COL12A1: variants seen among roughly 807,000 people sequenced by gnomAD.
COL12A1 encodes the protein collagen alpha-1(XII) chain.
Under a neutral mutation model 349.7 loss-of-function variants are expected in COL12A1, and 114 were observed. The observed-to-expected ratio is 0.33, with a 90% confidence interval of 0.28 to 0.38. The LOEUF (loss-of-function observed/expected upper bound fraction) is 0.38. Ranked by LOEUF, COL12A1 falls within the 10% of genes least tolerant of loss-of-function variation. The pLI, the probability that COL12A1 is intolerant of heterozygous loss-of-function variation, is 1.00. For missense variants in COL12A1, 3,284 were observed against 3,756.9 expected, an observed-to-expected ratio of 0.87 and a Z score of 3.29; for synonymous variants, 1,369 against 1,329.0, an observed-to-expected ratio of 1.03 and a Z score of -0.66.
chr6:75,188,459 G>A lies in COL12A1; in HGVS notation c.900C>T (p.Ala300=), dbSNP rs200357517. 1 of 1,613,522 alleles carries A rather than the reference G, an allele frequency of 6.2e-7. No homozygotes were observed. ...TPSLNHVFNV[A]NFDAIVDIQN... is the part of the protein sequence containing the mutation. ...GAATATCCACAATTGCATCAAAGTT[G>A]GCCACATTGAAAACATGGTTCAGTG... Residue 300 remains alanine (A), a synonymous_variant, in exon 8 of 66, where the codon GCC becomes GCT. Transcript: ENST00000322507.
Position 75,125,228 on chromosome 6 carries a change from T to C in COL12A1, c.6506A>G (p.Tyr2169Cys). 1.2e-6 allele frequency: 2 copies of C among 1,610,692 alleles called. No individual in the cohort carries two copies. Among genetic ancestry groups the C allele is most frequent in the East Asian group, 2.2e-5 (1 of 44,702 alleles). The change falls in exon 40 of 66, where the codon TAT (tyrosine) becomes TGT (cysteine). Residue 2169 changes from tyrosine to cysteine, a missense_variant. Tyr to Cys is a radical substitution (Grantham distance 194). Transcript: ENST00000322507. ...GCTGGGATTGAGATTGTGTAAGGTATATGATGTCATTTCTCCAACAAAGGC... is the reference window on the plus strand; with the variant it reads ...GCTGGGATTGAGATTGTGTAAGGTACATGATGTCATTTCTCCAACAAAGGC... Reference protein sequence around the residue: ...MEAFVGEMTSYTLHNLNPSTT... With the variant: ...MEAFVGEMTSCTLHNLNPSTT...
At chr6:75,200,030 C>A (rs778055687) in intron 2 of COL12A1, among the ~76,000 whole-genome samples, 3 of 152,000 alleles carry the variant, frequency 2.0e-5, no homozygotes, top group Non-Finnish European at 2.9e-5. Context: ...GGAAAAGAAA[C>A]GTAACTGTGG....
intron 44 of COL12A1, among the ~76,000 whole-genome samples, chr6:75,120,515 G>T (rs1297351977): frequency 6.6e-6 from 1 of 152,132 alleles, no homozygotes; most frequent in Admixed American, 6.5e-5. Context: ...AGGAGTCAAT[G>T]ATTTAGATAG....
In COL12A1 at chr6:75,119,068, C is replaced by T. The variant is rs1458735864; in HGVS notation, c.7329G>A (p.Lys2443=). 1.2e-6 allele frequency: 2 copies of T among 1,613,960 alleles called. No individual in the cohort carries two copies. Among genetic ancestry groups the T allele is most frequent in the South Asian group, 1.1e-5 (1 of 91,076 alleles). The change falls in exon 46 of 66, where the codon AAG becomes AAA. Residue 2443 remains lysine (K), a synonymous_variant. Transcript: ENST00000322507. ...CTGACTGCTGGATGACCAAAGCCGC[C>T]TTCTTGACCTCATCCTGGGACCGAC... ...TDGRSQDEVK[K]AALVIQQSGF...
At chr6:75,173,469 C>T (rs555005563) in intron 13 of COL12A1, among the ~76,000 whole-genome samples, 4 of 151,976 alleles carry the variant, frequency 2.6e-5, no homozygotes, top group Admixed American at 6.6e-5. Context: ...CTCCGCCTCT[C>T]GAGTTCAAGT....
intron 55 of COL12A1, 131 bp from the exon 56 acceptor site, chr6:75,102,823 C>A (rs556260300): frequency 1.1e-4 from 53 of 461,194 alleles, no homozygotes; most frequent in Middle Eastern, 9.1e-4. Flanking sequence ...TAAGAATCTA[C>A]ATCTATGAAT....
At chr6:75,180,834 A>T (rs1162212410) in intron 11 of COL12A1, 105 bp downstream of exon 11, 2 of 1,321,130 alleles carry the variant, frequency 1.5e-6, no homozygotes. Context: ...TTACAAAGGC[A>T]TTGGCAATTC....
At chr6:75,133,170 A>AT (rs1766395806) in intron 34 of COL12A1, 123 bp downstream of exon 34, 1 of 913,240 alleles carries the variant, frequency 1.1e-6, no homozygotes, top group Non-Finnish European at 1.5e-6. Context: ...ACTATGGCTA[A>AT]TTTTTATGTT....
chr6:75,174,855 G>A (rs1323902089), intron 13 of COL12A1, among the ~76,000 whole-genome samples, 183 bp downstream of exon 13: 1 of 152,070 alleles, frequency 6.6e-6, no homozygotes, highest in Non-Finnish European at 1.5e-5. Context: ...AATTTTTTCA[G>A]TTGCTTACAT....
At chr6:75,102,762 C>A in intron 55 of COL12A1, 70 bp from the exon 56 acceptor site, 3 of 880,452 alleles carry the variant, frequency 3.4e-6, no homozygotes, top group Non-Finnish European at 4.9e-6. Flanking sequence ...TTTAGTCAGA[C>A]ACTTGTCATC....
intron 13 of COL12A1, among the ~76,000 whole-genome samples, chr6:75,171,725 C>T (rs1286117763): frequency 5.9e-5 from 9 of 152,190 alleles, no homozygotes; most frequent in Non-Finnish European, 1.3e-4. Context: ...CCTGCATTTA[C>T]CATCATATCC....
intron 40 of COL12A1, 106 bp from the exon 41 acceptor site, chr6:75,124,477 CA>C (rs1475346088): frequency 2.2e-5 from 17 of 772,504 alleles, no homozygotes; most frequent in Non-Finnish European, 3.2e-5. Flanking sequence ...AAAAAAAGTT[CA>C]AAATTGTATT....
chr6:75,121,147 C>T (rs988010286), intron 44 of COL12A1, among the ~76,000 whole-genome samples, 155 bp downstream of exon 44: 4 of 151,986 alleles, frequency 2.6e-5, no homozygotes, highest in African/African-American at 9.7e-5. Context: ...TCATTTATAC[C>T]CAATTCCCTC....
In COL12A1 at chr6:75,175,140, G is replaced by A. The variant is rs760656243; in HGVS notation, c.2608C>T (p.Leu870=). The A allele has an allele frequency of 1.2e-6, 2 of 1,614,094 alleles. No individual in the cohort carries two copies. Among genetic ancestry groups the A allele is most frequent in the South Asian group, 2.2e-5 (2 of 91,078 alleles). ...TVRGDTTNTV[L]QGLKEGTQYA... is the part of the protein sequence containing the mutation. Reference sequence around the variant, plus strand: ...TGTGTCCCTTCCTTCAATCCCTGCAGCACCGTATTGGTTGTATCTCCCCTC... The same window carrying A: ...TGTGTCCCTTCCTTCAATCCCTGCAACACCGTATTGGTTGTATCTCCCCTC... The change falls in exon 13 of 66, where the codon CTG becomes TTG. Residue 870 remains leucine (L), a synonymous_variant. Coordinates refer to ENST00000322507, the MANE Select transcript of COL12A1 (RefSeq NM_004370.6).
chr6:75,118,319 T>C (rs992200868), intron 46 of COL12A1, among the ~76,000 whole-genome samples: 1 of 152,162 alleles, frequency 6.6e-6, no homozygotes, highest in Non-Finnish European at 1.5e-5. Flanking sequence ...GCACTAATCA[T>C]AACTCATAAA....
chr6:75,184,695 A>G (rs1769516727), intron 8 of COL12A1, among the ~76,000 whole-genome samples: 1 of 152,214 alleles, frequency 6.6e-6, no homozygotes, highest in South Asian at 2.1e-4. Context: ...AAAAAGTTCA[A>G]CTATGTTCAC....
At chr6:75,199,509 C>T (rs1770414112) in intron 2 of COL12A1, among the ~76,000 whole-genome samples, 1 of 152,184 alleles carries the variant, frequency 6.6e-6, no homozygotes, top group African/African-American at 2.4e-5. Flanking sequence ...AAAATTAACA[C>T]TCTGTTTTTC....
chr6:75,183,803 T>G (rs1484257997), intron 9 of COL12A1, 51 bp downstream of exon 9: 1 of 1,593,998 alleles, frequency 6.3e-7, no homozygotes, highest in African/African-American at 1.3e-5. Context: ...AGGCATTCTG[T>G]CAAACAGATC....
rs140583215 is a variant in COL12A1 at position 75,194,848 on chromosome 6, G to C, written c.173C>G (p.Thr58Arg). 2.5e-6 allele frequency: 4 copies of C among 1,609,972 alleles called. No individual in the cohort carries two copies. The highest frequency in any genetic ancestry group is 3.4e-6 in the Non-Finnish European group (4 of 1,177,460). ...PVDPIVGYRI[T>R]VDPTTDGPTK... ...AAACTTACCCGTTGTAGGGTCCACC[G>C]TTATTCTGTAACCCACAATTGGATC... The change falls in exon 3 of 66, where the codon ACG becomes AGG. Residue 58 changes from threonine to arginine, a missense_variant. By Grantham distance (71) the Thr-to-Arg change is moderately conservative. Transcript: ENST00000322507.
Sources: allele counts gnomAD v4.1 joint callset (sites outside exome capture counted in the v4.1 genomes callset), GRCh38; gene constraint gnomAD v4.1.1; transcripts MANE v1.5; gene names NCBI Gene and HGNC (gene_info 2026-07-23, HGNC 2026-07-21).